Variants in SELENOM observed in about 807,000 individuals in gnomAD.
The protein encoded by SELENOM is selenoprotein M.
SELENOM carries 17 observed loss-of-function variants against 14.5 expected under a neutral mutation model. That is an observed-to-expected ratio of 1.17 (90% confidence interval 0.80 to 1.76). The LOEUF (loss-of-function observed/expected upper bound fraction) is 1.76, where lower values mean the gene tolerates loss of function less well. Ranked by LOEUF, SELENOM falls within the 40% of genes most tolerant of loss-of-function variation. The pLI, the probability that SELENOM is intolerant of heterozygous loss-of-function variation, is 0.00. For synonymous variants in SELENOM, 102 were observed against 93.3 expected (o/e 1.09, Z -0.54); for missense variants, 230 against 204.6 (o/e 1.12, Z -0.76).
At chr22:31,106,310 G>A (rs1275273902) in intron 1 of SELENOM, 3 of 354,446 alleles carry the variant, frequency 8.5e-6, no homozygotes, top group East Asian at 1.2e-4. Flanking sequence ...AGAGACCTGG[G>A]CTTGGCCTTT....
At position 31,104,903 on chromosome 22, in the gene SELENOM, T is replaced by G; in HGVS notation, c.*67A>C. 1 of 1,454,122 alleles carries G rather than the reference T, an allele frequency of 6.9e-7. No individual in the cohort carries two copies. Among genetic ancestry groups the G allele is most frequent in the Non-Finnish European group, 9.1e-7 (1 of 1,094,820 alleles). 90.1% of individuals were successfully genotyped at this position (1,454,122 alleles called of 1,614,324 possible). On this transcript the variant is annotated 3_prime_UTR_variant, in exon 5 of 5. Coordinates refer to ENST00000400299, the MANE Select transcript of SELENOM (RefSeq NM_080430.4). ...CTCAGCAAGAGAAGTATTCCCGGGATGCTGAGCGCTTCATTCTGTCTCCAG... is the reference window on the plus strand; with the variant it reads ...CTCAGCAAGAGAAGTATTCCCGGGAGGCTGAGCGCTTCATTCTGTCTCCAG...
In SELENOM at chr22:31,105,673, T is replaced by C. The variant is rs1238326265; in HGVS notation, c.185A>G (p.Gln62Arg). The C allele has an allele frequency of 2.5e-6, 4 of 1,614,088 alleles. No individual in the cohort carries two copies. In the Admixed American group the frequency reaches 6.7e-5, roughly 27 times the overall value. The change falls in exon 3 of 5, where the codon CAG (glutamine) becomes CGG (arginine). Residue 62 changes from glutamine to arginine, a missense_variant. Gln to Arg is a conservative substitution (Grantham distance 43). Transcript: ENST00000400299. The stretch of plus-strand genomic sequence containing the variant: ...AGAAGGATACTAGAATGGAATGTCC[T>C]GCGTGACGAAAGCCTTCACCTGGGG... ...RLKEVKAFVT[Q>R]DIPFYHNLVM...
rs2044388041 is a variant in SELENOM at position 31,105,190 on chromosome 22, C to G, written c.279+18G>C. ...CTCGCCTCTGGCCTCGCCCCCAGCC[C>G]ACCTCCCACGGCCTCACCTCTAGTT... On this transcript the variant is annotated intron_variant, in intron 4 of 4. Coordinates refer to ENST00000400299, the MANE Select transcript of SELENOM (RefSeq NM_080430.4). 6.2e-7 allele frequency: 1 copy of G among 1,613,058 alleles called. No homozygotes were observed.
chr22:31,106,242 G>T (rs1008624280), intron 1 of SELENOM: 4 of 535,570 alleles, frequency 7.5e-6, no homozygotes, highest in Admixed American at 3.2e-5. Context: ...CATCCTACTG[G>T]CTGTGGACTG....
At chr22:31,107,328 C>G in intron 1 of SELENOM, 49 bp downstream of exon 1, 1 of 1,556,710 alleles carries the variant, frequency 6.4e-7, no homozygotes, top group Non-Finnish European at 8.7e-7. Flanking sequence ...CCCATGGGGC[C>G]GCAGGGTTGG....
rs1384656820 is a variant in SELENOM at position 31,107,360 on chromosome 22, G to C, written c.129+17C>G. ...TTGGGGAACGATAGTGCCGGGGCTG[G>C]AGGCCGGCGTACTCACCTCTACCCG... On this transcript the variant is annotated intron_variant, in intron 1 of 4. Coordinates refer to ENST00000400299, the MANE Select transcript of SELENOM (RefSeq NM_080430.4). The C allele has an allele frequency of 6.3e-7, 1 of 1,588,236 alleles. No individual in the cohort carries two copies. The highest frequency in any genetic ancestry group is 8.6e-7 in the Non-Finnish European group (1 of 1,168,820).
At chr22:31,105,352 A>G (rs2044391096) in intron 3 of SELENOM, 66 bp from the exon 4 acceptor site, 4 of 1,451,264 alleles carry the variant, frequency 2.8e-6, no homozygotes, top group East Asian at 4.8e-5. Context: ...AGCCTTACTG[A>G]TGGGAACAGC....
rs375293831 is a variant in SELENOM at position 31,107,516 on chromosome 22, C to A, written c.-11G>T. 8.4e-5 allele frequency: 129 copies of A among 1,534,066 alleles called. No individual in the cohort carries two copies. Among genetic ancestry groups the A allele is most frequent in the Non-Finnish European group, 1.1e-4 (125 of 1,141,554 alleles). On this transcript the variant is annotated 5_prime_UTR_variant, in exon 1 of 5. Coordinates refer to ENST00000400299, the MANE Select transcript of SELENOM (RefSeq NM_080430.4). ...CAACAGGAGGCTCATCGGGACCCGG[C>A]CGCAGATGATGCGCAAGCTGGAGGC...
intron 1 of SELENOM, chr22:31,107,138 CGG>C: frequency 3.8e-6 from 2 of 519,678 alleles, no homozygotes; most frequent in Non-Finnish European, 6.8e-6. Context: ...GCTGTCGGAC[CGG>C]GTAGGGGGAG....
rs763291261 is a variant in SELENOM at position 31,107,408 on chromosome 22, C to G, written c.98G>C (p.Arg33Pro). The G allele has an allele frequency of 2.1e-5, 34 of 1,591,934 alleles. No individual in the cohort carries two copies. The highest frequency in any genetic ancestry group is 2.7e-5 in the African/African-American group (2 of 74,278). ...CCGGGCGCGGGTTAGGCCGCTCAGACGGTTCCAGTCCGGCCGGTAGGCAGT... is the reference window on the plus strand; with the variant it reads ...CCGGGCGCGGGTTAGGCCGCTCAGAGGGTTCCAGTCCGGCCGGTAGGCAGT... ...AATAYRPDWN[R>P]LSGLTRARVE... is the part of the protein sequence containing the mutation. The change falls in exon 1 of 5, where the codon CGT becomes CCT. Residue 33 changes from arginine (R) to proline (P), a missense_variant. Arg to Pro is a moderately radical substitution (Grantham distance 103). Coordinates refer to ENST00000400299, the MANE Select transcript of SELENOM (RefSeq NM_080430.4).
rs776436408 is a variant in SELENOM, at chr22:31,105,669, G to A, written c.189C>T (p.Asp63=). 3 of 1,614,072 alleles carry A rather than the reference G, an allele frequency of 1.9e-6. No homozygotes were observed. The highest frequency in any genetic ancestry group is 8.5e-7 in the Non-Finnish European group (1 of 1,179,942). The change falls in exon 3 of 5, where the codon GAC becomes GAT. Residue 63 remains aspartate (D), a synonymous_variant. Coordinates refer to ENST00000400299, the MANE Select transcript of SELENOM (RefSeq NM_080430.4). ...LKEVKAFVTQ[D]IPFYHNLVMK... is the part of the protein sequence containing the mutation. ...GAACAGAAGGATACTAGAATGGAAT[G>A]TCCTGCGTGACGAAAGCCTTCACCT... is the stretch of plus-strand genomic sequence containing the variant.
intron 3 of SELENOM, 112 bp from the exon 4 acceptor site, chr22:31,105,398 G>T: frequency 8.9e-7 from 1 of 1,127,736 alleles, no homozygotes; most frequent in Non-Finnish European, 1.3e-6. Context: ...TCTGTGCCCG[G>T]GAGGGGCCAG....
chr22:31,105,932 C>A lies in SELENOM; in HGVS notation c.163G>T (p.Glu55Ter). The A allele has an allele frequency of 6.2e-7, 1 of 1,614,078 alleles. No individual in the cohort carries two copies. The highest frequency in any genetic ancestry group is 1.7e-5 in the Admixed American group (1 of 60,024). The part of the protein sequence containing the change: ...CGGUQLNRLK[E>*]VKAFVTQDIP... ...GGGACCTCTTCCTTCAAACTCACCT[C>A]CTTTAGGCGGTTCAGCTGTCATCCC... Residue 55 changes from glutamate to a stop codon, truncating the protein, a stop_gained and splice_region_variant, in exon 2 of 5, where the codon GAG becomes TAG. Coordinates refer to ENST00000400299, the MANE Select transcript of SELENOM (RefSeq NM_080430.4). LOFTEE classifies it high-confidence loss of function.
Position 31,105,089 on chromosome 22 carries a change from C to T in SELENOM, c.319G>A (p.Ala107Thr), listed in dbSNP as rs763197434. ...LSEMTREEIN[A>T]LVQELGFYRK... ...TAGAAGCCGAGCTCCTGCACTAGCG[C>T]ATTGATCTCTTCGCGGGTCATTTCA... Residue 107 changes from alanine (A) to threonine (T), a missense_variant, in exon 5 of 5, where the codon GCG becomes ACG. Transcript: ENST00000400299. 11 of 1,613,326 alleles carry T rather than the reference C, an allele frequency of 6.8e-6. No individual in the cohort carries two copies. The South Asian group carries it at 1.2e-4, about 18-fold the overall frequency.
intron 1 of SELENOM, chr22:31,107,015 G>A (rs1355597362): frequency 1.1e-5 from 2 of 181,248 alleles, no homozygotes; most frequent in Non-Finnish European, 2.3e-5. Flanking sequence ...GAACCGGGTC[G>A]GGGGGGAATT....
At position 31,105,287 on chromosome 22, in the gene SELENOM, C is replaced by T. The variant is rs113646123; in HGVS notation, c.201-1G>A. 1 of 1,610,422 alleles carries T rather than the reference C, an allele frequency of 6.2e-7. No homozygotes were observed. The highest frequency in any genetic ancestry group is 8.5e-7 in the Non-Finnish European group (1 of 1,178,470). On this transcript the variant is annotated splice_acceptor_variant, in intron 3 of 4. Transcript: ENST00000400299. LOFTEE classifies it high-confidence loss of function. Reference sequence around the variant, plus strand: ...GAGGTGTTTCATCACCAGGTTGTGACTGGAGGTGGTGTTAAGGAGCGGGGT... The same window carrying T: ...GAGGTGTTTCATCACCAGGTTGTGATTGGAGGTGGTGTTAAGGAGCGGGGT...
In SELENOM at chr22:31,105,043, G is replaced by A. The variant is rs758714315; in HGVS notation, c.365C>T (p.Ala122Val). 7 of 1,611,716 alleles carry A rather than the reference G, an allele frequency of 4.3e-6. No homozygotes were observed. The highest frequency in any genetic ancestry group is 5.9e-6 in the Non-Finnish European group (7 of 1,179,518). ...CCACACGTACTCGGGGGGCACCTGC[G>A]CGTCGGGCGCCGCCTTGCGGTAGAA... is the stretch of plus-strand genomic sequence containing the variant. ...LGFYRKAAPD[A>V]QVPPEYVWAP... is the part of the protein sequence containing the mutation. The change falls in exon 5 of 5, where the codon GCG (alanine) becomes GTG (valine). Residue 122 changes from alanine to valine, a missense_variant. By Grantham distance (64) the Ala-to-Val change is moderately conservative. Transcript: ENST00000400299.
intron 3 of SELENOM, 25 bp from the exon 4 acceptor site, chr22:31,105,311 G>A (rs2044390507): frequency 1.3e-6 from 2 of 1,594,684 alleles, no homozygotes; most frequent in Non-Finnish European, 1.7e-6. Context: ...AAGGAGCGGG[G>A]TGGTGGGCAG....
chr22:31,105,299 T>C lies in SELENOM; in HGVS notation c.201-13A>G. 1 of 1,605,770 alleles carries C rather than the reference T, an allele frequency of 6.2e-7. No individual in the cohort carries two copies. Among genetic ancestry groups the C allele is most frequent in the Non-Finnish European group, 8.5e-7 (1 of 1,176,174 alleles). ...CACCAGGTTGTGACTGGAGGTGGTG[T>C]TAAGGAGCGGGGTGGTGGGCAGAGG... On this transcript the variant is annotated splice_polypyrimidine_tract_variant and intron_variant, in intron 3 of 4. Coordinates refer to ENST00000400299, the MANE Select transcript of SELENOM (RefSeq NM_080430.4).
Sources: gnomAD v4.1 joint callset for allele counts on GRCh38, gnomAD v4.1.1 for gene constraint, MANE v1.5 for transcripts, NCBI Gene and HGNC (gene_info 2026-07-23, HGNC 2026-07-21) for gene names.